ADAM9: variants seen among roughly 807,000 people sequenced by gnomAD.
ADAM9 encodes ADAM metallopeptidase domain 9, also known as disintegrin and metalloproteinase domain-containing protein 9.
Under a neutral mutation model 108.1 loss-of-function variants are expected in ADAM9, and 54 were observed. That is an observed-to-expected ratio of 0.50 (90% CI 0.40 to 0.63). ADAM9 has a LOEUF of 0.63. Among genes scored for constraint, ADAM9 ranks in the 20% least tolerant of loss-of-function variants. The pLI is 0.00. For synonymous variants in ADAM9, 316 were observed against 336.0 expected (o/e 0.94, Z 0.65); for missense variants, 830 against 997.7 (o/e 0.83, Z 2.26).
At chr8:39,045,127 C>CATACATACATATGTGTGTGTGT (rs1564297880) in intron 12 of ADAM9, among the ~76,000 whole-genome samples, 80 of 49,246 alleles carry the variant, frequency 1.6e-3, no homozygotes, top group Non-Finnish European at 2.3e-3. Context: ...TGTGTGTGTG[C>CATACATACATATGTGTGTGTGT]ATACATACAT....
At chr8:39,097,527 C>T (rs1180954974) in intron 20 of ADAM9, among the ~76,000 whole-genome samples, 2 of 151,988 alleles carry the variant, frequency 1.3e-5, no homozygotes, top group Admixed American at 6.6e-5. Context: ...AGGCTGGTCT[C>T]GAACTCCTGA....
At chr8:39,009,932 G>GAGAGAAAA (rs57357339) in intron 2 of ADAM9, among the ~76,000 whole-genome samples, 1 of 14,662 alleles carries the variant, frequency 6.8e-5, no homozygotes, top group Non-Finnish European at 1.2e-4. Flanking sequence ...GAGAGAGAGA[G>GAGAGAAAA]ACAAAAACAA....
intron 14 of ADAM9, among the ~76,000 whole-genome samples, chr8:39,056,029 G>A (rs1308459811): frequency 6.6e-6 from 1 of 151,950 alleles, no homozygotes; most frequent in Non-Finnish European, 1.5e-5. Flanking sequence ...ATAGTATCTA[G>A]TTTTAATAAT....
chr8:39,057,271 A>G (rs1838154419), intron 14 of ADAM9, among the ~76,000 whole-genome samples: 1 of 151,630 alleles, frequency 6.6e-6, no homozygotes, highest in African/African-American at 2.4e-5. Flanking sequence ...CCTGTTGTTA[A>G]GTGACACATT....
rs1486800040 is a variant in ADAM9 at position 39,007,973 on chromosome 8, A to C, written c.185A>C (p.Tyr62Ser). The change falls in exon 2 of 22, where the codon TAT becomes TCT. Residue 62 changes from tyrosine (Y) to serine (S), a missense_variant. Physicochemically the swap from Tyr to Ser is moderately radical, Grantham distance 144 (BLOSUM62 -2). Around this residue, in one of 3 missense-constraint regions of ADAM9, gnomAD observed 211 missense variants for 222.2 expected, o/e 0.95. Transcript: ENST00000487273. ...GAAAGAAGAGAAGCCCCTAGGCCCT[A>C]TTCAAAACAAGTAAGTTATAATTGT... ...TRERREAPRPYSKQVSYVIQA... is the reference protein window; with the variant it reads ...TRERREAPRPSSKQVSYVIQA... 1 of 1,598,276 alleles carries C rather than the reference A, an allele frequency of 6.3e-7. No individual in the cohort carries two copies. Among genetic ancestry groups the C allele is most frequent in the East Asian group, 2.2e-5 (1 of 44,726 alleles).
At chr8:39,045,847 T>G (rs1564303708) in intron 12 of ADAM9, among the ~76,000 whole-genome samples, 1 of 152,018 alleles carries the variant, frequency 6.6e-6, no homozygotes, top group Non-Finnish European at 1.5e-5. Flanking sequence ...GTATAAGCAT[T>G]CCCTTTTTTC....
Position 39,045,438 on chromosome 8 carries a change from G to GTGTGTA in ADAM9, c.1302+3321_1302+3322insTGTGTA, listed in dbSNP as rs1564301855. On this transcript the variant is annotated intron_variant, in intron 12 of 21. Coordinates refer to ENST00000487273, the MANE Select transcript of ADAM9 (RefSeq NM_003816.3). ...CGTGTGTACACACACCTATATGTGC[G>GTGTGTA]CGTGTGTACACACACCTATATGTGC... Among the ~76,000 whole-genome samples, 173 of 131,136 alleles carry GTGTGTA rather than the reference G, an allele frequency of 1.3e-3. 13 individuals are homozygous for GTGTGTA. The highest frequency in any genetic ancestry group is 6.2e-3 in the East Asian group (27 of 4,340). The allele number at this position is 131,136 out of a possible 152,430, so 86.0% of individuals were successfully genotyped here.
chr8:39,103,822 A>G lies in ADAM9; in HGVS notation c.*122A>G, dbSNP rs904546396. On this transcript the variant is annotated 3_prime_UTR_variant, in exon 22 of 22. Coordinates refer to ENST00000487273, the MANE Select transcript of ADAM9 (RefSeq NM_003816.3). The stretch of plus-strand genomic sequence containing the variant: ...ATGAATGAAAACAAAACACCACAAA[A>G]CAGACTTCACTAACACAGAAAAACA... 1 of 905,466 alleles carries G rather than the reference A, an allele frequency of 1.1e-6. No homozygotes were observed. Among genetic ancestry groups the G allele is most frequent in the African/African-American group, 1.6e-5 (1 of 61,344 alleles). The allele number at this position is 905,466 out of a possible 1,614,324, so 56.1% of individuals were successfully genotyped here.
chr8:39,010,685 T>A (rs1485559602), intron 2 of ADAM9, among the ~76,000 whole-genome samples: 1 of 152,214 alleles, frequency 6.6e-6, no homozygotes, highest in Admixed American at 6.5e-5. Context: ...CAGAGTTGCC[T>A]GAGGTAGAGA....
chr8:39,009,897 G>GT (rs1253730117), intron 2 of ADAM9, among the ~76,000 whole-genome samples: 1 of 6,580 alleles, frequency 1.5e-4, no homozygotes, highest in Non-Finnish European at 2.8e-4. Context: ...TCTAGTGATG[G>GT]GGGGGGGGGG....
chr8:39,040,496 T>C (rs1195844234), intron 11 of ADAM9, among the ~76,000 whole-genome samples: 1 of 152,274 alleles, frequency 6.6e-6, no homozygotes. Flanking sequence ...GAGAAATGTC[T>C]ATTTAAGTCT....
chr8:39,003,298 C>T (rs1304538019), intron 1 of ADAM9, among the ~76,000 whole-genome samples: 1 of 151,916 alleles, frequency 6.6e-6, no homozygotes, highest in Non-Finnish European at 1.5e-5. Flanking sequence ...TTTTAGCTGT[C>T]ACAACTGGGG....
chr8:38,998,369 A>G (rs1024213070), intron 1 of ADAM9, among the ~76,000 whole-genome samples: 20 of 151,490 alleles, frequency 1.3e-4, no homozygotes, highest in African/African-American at 4.6e-4. Context: ...GAAGACGATT[A>G]TACATCCGGA....
intron 3 of ADAM9, 140 bp downstream of exon 3, chr8:39,011,856 T>TGGCA: frequency 1.3e-6 from 1 of 777,134 alleles, no homozygotes; most frequent in African/African-American, 1.7e-5. Flanking sequence ...TGCTGCACAG[T>TGGCA]GGCAGCTGGC....
chr8:39,040,346 G>A (rs1837421815), intron 11 of ADAM9, among the ~76,000 whole-genome samples: 1 of 152,136 alleles, frequency 6.6e-6, no homozygotes, highest in South Asian at 2.1e-4. Context: ...ACCATACCTG[G>A]CCGTTATCTC....
intron 21 of ADAM9, among the ~76,000 whole-genome samples, chr8:39,102,284 A>G (rs984710614): frequency 2.0e-5 from 3 of 152,178 alleles, no homozygotes; most frequent in Non-Finnish European, 4.4e-5. Flanking sequence ...ATATAAGAAA[A>G]TATGTGTTTG....
intron 8 of ADAM9, among the ~76,000 whole-genome samples, chr8:39,022,892 T>C (rs1288279252): frequency 6.6e-6 from 1 of 152,110 alleles, no homozygotes; most frequent in Non-Finnish European, 1.5e-5. Context: ...TTTTGTATTT[T>C]AGTAGAGACG....
chr8:39,064,297 A>C (rs1292013830), intron 14 of ADAM9, among the ~76,000 whole-genome samples: 1 of 152,228 alleles, frequency 6.6e-6, no homozygotes, highest in African/African-American at 2.4e-5. Flanking sequence ...AGCCCATTCT[A>C]GAAACCTTGG....
Position 39,026,751 on chromosome 8 carries a change from C to T in ADAM9, c.1071C>T (p.His357=), listed in dbSNP as rs61753674. The T allele has an allele frequency of 0.013, 20,686 of 1,614,086 alleles. 177 individuals carry two copies. The highest frequency in any genetic ancestry group is 0.016 in the Non-Finnish European group (19,235 of 1,179,996). The part of the protein sequence containing the change: ...HELGHNLGMN[H]DDGRDCSCGA... ...TGGGTCATAATCTTGGAATGAATCA[C>T]GATGATGGGAGAGATTGTTCCTGTG... Residue 357 remains histidine, a synonymous_variant, in exon 11 of 22, where the codon CAC becomes CAT. Transcript: ENST00000487273.
Sources: allele counts gnomAD v4.1 joint callset (sites outside exome capture counted in the v4.1 genomes callset), GRCh38; gene constraint gnomAD v4.1.1; regional missense constraint gnomAD v4.1.1; transcripts MANE v1.5; gene names NCBI Gene and HGNC (gene_info 2026-07-23, HGNC 2026-07-21).